The following FOCAD variants were observed in gnomAD, a reference collection of about 807,000 sequenced individuals.
FOCAD encodes the protein KIAA1797.
A neutral mutation model predicts 225.6 loss-of-function variants in FOCAD; 198 were observed. The observed-to-expected ratio is 0.88, with a 90% CI of 0.78 to 0.99. FOCAD has a LOEUF of 0.99. FOCAD is among the 50% of genes least tolerant of loss of function. The pLI, the probability that FOCAD is intolerant of heterozygous loss-of-function variation, is 0.00. For missense variants in FOCAD, 2,713 were observed against 2,123.6 expected (o/e 1.28, Z -5.46); for synonymous variants, 897 against 755.0 (o/e 1.19, Z -3.08).
At chr9:20,812,830 T>C (rs1195005571) in intron 11 of FOCAD, among the ~76,000 whole-genome samples, 1 of 152,150 alleles carries the variant, frequency 6.6e-6, no homozygotes, top group Non-Finnish European at 1.5e-5. Flanking sequence ...TGATAAGATA[T>C]CTTCTGACTC....
intron 11 of FOCAD, among the ~76,000 whole-genome samples, chr9:20,796,756 T>G (rs1821158674): frequency 6.6e-6 from 1 of 152,194 alleles, no homozygotes; most frequent in Admixed American, 6.5e-5. Context: ...TTTCTCCCAT[T>G]CTGTAGGTTG....
chr9:20,875,289 A>G (rs1587473971), intron 19 of FOCAD: 1 of 156,040 alleles, frequency 6.4e-6, no homozygotes, highest in African/African-American at 2.4e-5. Flanking sequence ...CTTTTAAAAG[A>G]TGGATCAAAT....
At chr9:20,740,695 T>A (rs750352152) in intron 5 of FOCAD, among the ~76,000 whole-genome samples, 4 of 152,206 alleles carry the variant, frequency 2.6e-5, no homozygotes, top group Non-Finnish European at 5.9e-5. Flanking sequence ...GGATTTAGGT[T>A]AGGCAGGATG....
intron 2 of FOCAD, among the ~76,000 whole-genome samples, chr9:20,671,235 T>C (rs1247598782): frequency 6.6e-6 from 1 of 151,932 alleles, no homozygotes; most frequent in Admixed American, 6.6e-5. Context: ...ATTACATAGA[T>C]ACAAACATCT....
At chr9:20,757,955 A>G (rs1016838637) in intron 5 of FOCAD, 135 bp from the exon 6 acceptor site, 2 of 469,816 alleles carry the variant, frequency 4.3e-6, no homozygotes, top group Admixed American at 8.1e-5. Flanking sequence ...GGAGCAAGTG[A>G]TCATTTTGTG....
At chr9:20,945,966 C>G (rs553479363) in intron 29 of FOCAD, among the ~76,000 whole-genome samples, 3 of 152,078 alleles carry the variant, frequency 2.0e-5, no homozygotes, top group Non-Finnish European at 2.9e-5. Flanking sequence ...AAAATTGAGA[C>G]TCAGATAGAT....
chr9:20,662,077 C>A (rs1821744450), intron 2 of FOCAD, among the ~76,000 whole-genome samples: 1 of 152,106 alleles, frequency 6.6e-6, no homozygotes, highest in African/African-American at 2.4e-5. Context: ...CAAAGAACTA[C>A]TGAAAATATC....
chr9:20,756,627 C>G (rs888361526), intron 5 of FOCAD, among the ~76,000 whole-genome samples: 9 of 152,138 alleles, frequency 5.9e-5, no homozygotes, highest in African/African-American at 2.2e-4. Context: ...GGAACCACTG[C>G]TTTATAGCAG....
intron 18 of FOCAD, among the ~76,000 whole-genome samples, chr9:20,871,370 C>A (rs907853512): frequency 2.0e-5 from 3 of 151,408 alleles, no homozygotes; most frequent in Non-Finnish European, 4.4e-5. Context: ...CTAATAGATA[C>A]ATATGCAGTT....
intron 2 of FOCAD, among the ~76,000 whole-genome samples, chr9:20,659,615 T>C (rs1189604143): frequency 6.6e-6 from 1 of 152,150 alleles, no homozygotes; most frequent in African/African-American, 2.4e-5. Flanking sequence ...CTGCTAACAC[T>C]TTGATGTTGG....
rs1824256628 is a variant in FOCAD, at chr9:20,820,939, A to G, written c.1663-2A>G. On this transcript the variant is annotated splice_acceptor_variant, in intron 13 of 43. Coordinates refer to ENST00000338382, the MANE Select transcript of FOCAD (RefSeq NM_001375567.1). LOFTEE classifies it high-confidence loss of function. ...ACCTTTTTTGTAAAATTGCCTTCGT[A>G]GGACCGAGTCTATCCTGAACTGCAG... 2 of 1,609,000 alleles carry G rather than the reference A, an allele frequency of 1.2e-6. No individual in the cohort carries two copies. Among genetic ancestry groups the G allele is most frequent in the South Asian group, 2.2e-5 (2 of 90,318 alleles).
chr9:20,802,832 C>G (rs764048824), intron 11 of FOCAD, among the ~76,000 whole-genome samples: 1 of 152,116 alleles, frequency 6.6e-6, no homozygotes, highest in Non-Finnish European at 1.5e-5. Flanking sequence ...TGCTCATTTG[C>G]TTTAGCACAA....
chr9:20,877,943 A>G (rs1189351139), intron 19 of FOCAD, among the ~76,000 whole-genome samples: 2 of 152,184 alleles, frequency 1.3e-5, no homozygotes, highest in Non-Finnish European at 2.9e-5. Context: ...CCAACGGGTT[A>G]CCACTCTTTA....
At chr9:20,776,142 C>T (rs1372359582) in intron 8 of FOCAD, among the ~76,000 whole-genome samples, 1 of 152,124 alleles carries the variant, frequency 6.6e-6, no homozygotes, top group Non-Finnish European at 1.5e-5. Context: ...TGCTTGATCC[C>T]ACAGAATCTT....
At chr9:20,813,618 A>AC (rs1322128950) in intron 11 of FOCAD, among the ~76,000 whole-genome samples, 17 of 152,240 alleles carry the variant, frequency 1.1e-4, no homozygotes, top group African/African-American at 3.4e-4. Context: ...TTTCAGTCTT[A>AC]AATTTGTTAA....
At chr9:20,994,829 C>T (rs540739148) in intron 43 of FOCAD, among the ~76,000 whole-genome samples, 13 of 152,228 alleles carry the variant, frequency 8.5e-5, no homozygotes, top group African/African-American at 2.4e-4. Flanking sequence ...AGCAATCATT[C>T]GGGCCAAGGA....
chr9:20,661,081 C>T (rs1482103540), intron 2 of FOCAD, among the ~76,000 whole-genome samples: 1 of 152,180 alleles, frequency 6.6e-6, no homozygotes, highest in Non-Finnish European at 1.5e-5. Context: ...ATTAAGAGCA[C>T]AGCTGGAGAG....
intron 6 of FOCAD, among the ~76,000 whole-genome samples, chr9:20,760,289 G>A (rs1179702582): frequency 6.6e-6 from 1 of 152,204 alleles, no homozygotes; most frequent in African/African-American, 2.4e-5. Context: ...CTTACTTGTT[G>A]ATATCTTATG....
intron 2 of FOCAD, among the ~76,000 whole-genome samples, chr9:20,715,758 A>T (rs963251161): frequency 3.3e-5 from 5 of 152,018 alleles, no homozygotes; most frequent in African/African-American, 1.2e-4. Context: ...AGTATGAGGG[A>T]TTAATATTTA....
Sources: gnomAD v4.1 joint callset for allele counts (sites outside exome capture counted in the v4.1 genomes callset) on GRCh38, gnomAD v4.1.1 for gene constraint, MANE v1.5 for transcripts, NCBI Gene and HGNC (gene_info 2026-07-23, HGNC 2026-07-21) for gene names.